RFPL3: variants seen among roughly 807,000 people sequenced by gnomAD.
RFPL3 encodes the protein ret finger protein-like 3.
A neutral mutation model predicts 8.7 loss-of-function variants in RFPL3; 8 were observed. The ratio of observed to expected loss-of-function variants is 0.92; its 90% CI spans 0.54 to 1.66. The LOEUF (loss-of-function observed/expected upper bound fraction) is 1.66. Ranked by LOEUF, RFPL3 falls within the 40% of genes most tolerant of loss-of-function variation. The pLI, the probability that RFPL3 is intolerant of heterozygous loss-of-function variation, is 0.00. For missense variants in RFPL3, 341 were observed against 395.0 expected, an observed-to-expected ratio of 0.86 and a Z score of 1.16; for synonymous variants, 145 against 150.5, an observed-to-expected ratio of 0.96 and a Z score of 0.27.
chr22:32,358,462 C>A lies in RFPL3; in HGVS notation c.373+18C>A. The stretch of plus-strand genomic sequence containing the variant: ...GTTCCAAGGTAAGGAATCTGTATAC[C>A]CTGCCCCCTTCCCAAGACCAGACCA... On this transcript the variant is annotated intron_variant, in intron 1 of 1. Coordinates refer to ENST00000249007, the MANE Select transcript of RFPL3 (RefSeq NM_001098535.1). 3 of 1,599,308 alleles carry A rather than the reference C, an allele frequency of 1.9e-6. No homozygotes were observed. The highest frequency in any genetic ancestry group is 2.6e-6 in the Non-Finnish European group (3 of 1,172,726).
Position 32,360,922 on chromosome 22 carries a change from T to C in RFPL3, c.*90T>C, listed in dbSNP as rs1421423459. The C allele has an allele frequency of 2.5e-5, 32 of 1,266,056 alleles. No homozygotes were observed. The highest frequency in any genetic ancestry group is 4.0e-4 in the Middle Eastern group (2 of 5,062). 78.4% of individuals were successfully genotyped at this position (1,266,056 alleles called of 1,614,324 possible). On this transcript the variant is annotated 3_prime_UTR_variant, in exon 2 of 2. Coordinates refer to ENST00000249007, the MANE Select transcript of RFPL3 (RefSeq NM_001098535.1). ...ACTTGGTAAAAGCATTATACAGTCA[T>C]AGGAGAAAGATATGGGACATTTCTA...
At chr22:32,358,971 C>G (rs1338976116) in intron 1 of RFPL3, among the ~76,000 whole-genome samples, 1 of 152,192 alleles carries the variant, frequency 6.6e-6, no homozygotes, top group African/African-American at 2.4e-5. Context: ...GGGAGAGTTG[C>G]AGATATTGGT....
In RFPL3 at chr22:32,358,349, A is replaced by G. The variant is rs772343844; in HGVS notation, c.278A>G (p.Asn93Ser). Residue 93 changes from asparagine to serine, a missense_variant, in exon 1 of 2, where the codon AAT becomes AGT. Physicochemically the swap from Asn to Ser is conservative, Grantham distance 46. Coordinates refer to ENST00000249007, the MANE Select transcript of RFPL3 (RefSeq NM_001098535.1). ...MVSQRNKIRP[N>S]RQLERLVSHI... ...TCTCAGAGGAACAAAATCAGGCCCA[A>G]TCGGCAGCTAGAGAGGCTGGTTTCC... The G allele has an allele frequency of 2.0e-5, 32 of 1,613,992 alleles. No individual in the cohort carries two copies. The highest frequency in any genetic ancestry group is 2.5e-5 in the Non-Finnish European group (29 of 1,180,028).
chr22:32,360,902 G>GT lies in RFPL3; in HGVS notation c.*71dup, dbSNP rs1265649274. 1 of 1,433,524 alleles carries GT rather than the reference G, an allele frequency of 7.0e-7. No homozygotes were observed. The highest frequency in any genetic ancestry group is 9.4e-7 in the Non-Finnish European group (1 of 1,065,444). The allele number at this position is 1,433,524 out of a possible 1,614,324, so 88.8% of individuals were successfully genotyped here. A position where few individuals can be genotyped will look rare whatever the true frequency, so the allele number is the denominator to read the frequency against. On this transcript the variant is annotated 3_prime_UTR_variant, in exon 2 of 2. Transcript: ENST00000249007. ...GGTAGACTTAGGAATTTTCTACTTG[G>GT]TAAAAGCATTATACAGTCATAGGAG... is the stretch of plus-strand genomic sequence containing the variant.
Position 32,360,356 on chromosome 22 carries a change from G to C in RFPL3, c.478G>C (p.Ala160Pro). 6.2e-7 allele frequency: 1 copy of C among 1,613,910 alleles called. No homozygotes were observed. The highest frequency in any genetic ancestry group is 1.7e-4 in the Middle Eastern group (1 of 6,056). Residue 160 changes from alanine to proline, a missense_variant, in exon 2 of 2, where the codon GCC (alanine) becomes CCC (proline). Ala to Pro is a conservative substitution (Grantham distance 27). Transcript: ENST00000249007. Reference sequence around the variant, plus strand: ...CATCACACAGAATCGGCAAGACCTTGCCGAGAGATTTGACGTGTCCGTTTG... The same window carrying C: ...CATCACACAGAATCGGCAAGACCTTCCCGAGAGATTTGACGTGTCCGTTTG... ...GLITQNRQDL[A>P]ERFDVSVCIL...
At chr22:32,356,438 T>A (rs1412604919), upstream of RFPL3, among the ~76,000 whole-genome samples, 1 of 152,072 alleles carries the variant, frequency 6.6e-6, no homozygotes, top group East Asian at 1.9e-4. Context: ...CGGGCTGCTA[T>A]CCAACAGGGT....
In RFPL3 at chr22:32,358,456, G is replaced by A. The variant is rs1424129555; in HGVS notation, c.373+12G>A. 1.9e-6 allele frequency: 3 copies of A among 1,606,528 alleles called. No homozygotes were observed. The highest frequency in any genetic ancestry group is 3.4e-5 in the Admixed American group (2 of 59,486). On this transcript the variant is annotated intron_variant, in intron 1 of 1. Transcript: ENST00000249007. The stretch of plus-strand genomic sequence containing the variant: ...GCGGAAGTTCCAAGGTAAGGAATCT[G>A]TATACCCTGCCCCCTTCCCAAGACC...
rs368265424 is a variant in RFPL3 at position 32,360,551 on chromosome 22, C to A, written c.673C>A (p.Arg225Ser). 3.1e-6 allele frequency: 5 copies of A among 1,613,792 alleles called. No homozygotes were observed. The highest frequency in any genetic ancestry group is 4.2e-6 in the Non-Finnish European group (5 of 1,179,868). Residue 225 changes from arginine to serine, a missense_variant, in exon 2 of 2, where the codon CGC (arginine) becomes AGC (serine). By Grantham distance (110) the Arg-to-Ser change is moderately radical. Coordinates refer to ENST00000249007, the MANE Select transcript of RFPL3 (RefSeq NM_001098535.1). ...GACTGTGAGTTTGAGGGATGGAAGC[C>A]GCCTCTCTGCCAGCACGGTGCCGCT... ...FWTVSLRDGSRLSASTVPLTF... is the reference protein window; with the variant it reads ...FWTVSLRDGSSLSASTVPLTF...
chr22:32,359,569 A>G (rs1236427609), intron 1 of RFPL3, among the ~76,000 whole-genome samples: 7 of 152,140 alleles, frequency 4.6e-5, no homozygotes, highest in South Asian at 4.1e-4. Flanking sequence ...ATTCTCTACA[A>G]TCAGTCAGTT....
intron 1 of RFPL3, 44 bp from the exon 2 acceptor site, chr22:32,360,208 T>G (rs746127749): frequency 4.4e-6 from 7 of 1,576,154 alleles, no homozygotes; most frequent in Non-Finnish European, 6.0e-6. Context: ...GGCATGGGGT[T>G]GGCTTCTGTC....
At chr22:32,357,426 T>C (rs1456418139), upstream of RFPL3, among the ~76,000 whole-genome samples, 1 of 151,860 alleles carries the variant, frequency 6.6e-6, no homozygotes, top group African/African-American at 2.4e-5. Context: ...TGCCTTGGCC[T>C]CGCAAAGTGC....
upstream of RFPL3, among the ~76,000 whole-genome samples, chr22:32,355,801 GAAAGA>G (rs1274597732): frequency 9.4e-6 from 1 of 106,160 alleles, no homozygotes; most frequent in African/African-American, 3.8e-5. Context: ...AAAAAAAAAA[GAAAGA>G]AAAGAAAAGA....
chr22:32,358,915 A>T (rs780852656), intron 1 of RFPL3, among the ~76,000 whole-genome samples: 3 of 152,188 alleles, frequency 2.0e-5, no homozygotes, highest in African/African-American at 7.2e-5. Flanking sequence ...CCCAGGGTTG[A>T]GAAGAGTTGG....
chr22:32,357,017 C>A (rs79991309), upstream of RFPL3: 34,747 of 439,238 alleles, frequency 0.079, 1,596 homozygotes, highest in African/African-American at 0.16. Context: ...AGGAGGTCAG[C>A]ATCCTGTTGT....
chr22:32,358,513 C>G (rs5754006), intron 1 of RFPL3, 69 bp downstream of exon 1: 107,443 of 1,535,962 alleles, frequency 0.07, 8,008 homozygotes, highest in East Asian at 0.47. Flanking sequence ...GCAGTTGGCC[C>G]CTCATTCCAC....
chr22:32,360,818 G>A lies in RFPL3; in HGVS notation c.940G>A (p.Gly314Arg). ...CACTACTGATGCTCCAGTCCGTCCT[G>A]GGGAGGCCAAATAAGCCGCCACTGC... ...SGTTDAPVRP[G>R]EAK The change falls in exon 2 of 2, where the codon GGG becomes AGG. Residue 314 changes from glycine (G) to arginine (R), a missense_variant. Coordinates refer to ENST00000249007, the MANE Select transcript of RFPL3 (RefSeq NM_001098535.1). 2 of 1,525,450 alleles carry A rather than the reference G, an allele frequency of 1.3e-6. No individual in the cohort carries two copies. Among genetic ancestry groups the A allele is most frequent in the Non-Finnish European group, 1.8e-6 (2 of 1,137,940 alleles). 94.5% of individuals were successfully genotyped at this position (1,525,450 alleles called of 1,614,324 possible). A position where few individuals can be genotyped will look rare whatever the true frequency, so the allele number is the denominator to read the frequency against.
In RFPL3 at chr22:32,360,821, G is replaced by A. The variant is rs981720936; in HGVS notation, c.943G>A (p.Glu315Lys). 6.6e-7 allele frequency: 1 copy of A among 1,524,440 alleles called. No individual in the cohort carries two copies. The highest frequency in any genetic ancestry group is 8.8e-7 in the Non-Finnish European group (1 of 1,137,518). The allele number at this position is 1,524,440 out of a possible 1,614,324, so 94.4% of individuals were successfully genotyped here. A position where few individuals can be genotyped will look rare whatever the true frequency, so the allele number is the denominator to read the frequency against. ...GTTDAPVRPGEAK is the reference protein window; with the variant it reads ...GTTDAPVRPGKAK ...TACTGATGCTCCAGTCCGTCCTGGG[G>A]AGGCCAAATAAGCCGCCACTGCAAA... Residue 315 changes from glutamate (E) to lysine (K), a missense_variant, in exon 2 of 2, where the codon GAG (glutamate) becomes AAG (lysine). Transcript: ENST00000249007.
chr22:32,360,811 C>A lies in RFPL3; in HGVS notation c.933C>A (p.Val311=), dbSNP rs558404504. ...ACTCAGGCACTACTGATGCTCCAGT[C>A]CGTCCTGGGGAGGCCAAATAAGCCG... The part of the protein sequence containing the change: ...LMNSGTTDAP[V]RPGEAK Residue 311 remains valine, a synonymous_variant, in exon 2 of 2, where the codon GTC becomes GTA. Transcript: ENST00000249007. 6.4e-6 allele frequency: 10 copies of A among 1,563,292 alleles called. No homozygotes were observed. Among genetic ancestry groups the A allele is most frequent in the Non-Finnish European group, 7.8e-6 (9 of 1,154,508 alleles).
rs777422711 is a variant in RFPL3 at position 32,360,430 on chromosome 22, G to A, written c.552G>A (p.Val184=). ...RFTCGRHYWE[V]DVGTSTEWDL... ...CCTGTGGCCGCCACTACTGGGAGGT[G>A]GACGTGGGAACAAGCACAGAATGGG... Residue 184 remains valine (V), a synonymous_variant, in exon 2 of 2, where the codon GTG becomes GTA. Coordinates refer to ENST00000249007, the MANE Select transcript of RFPL3 (RefSeq NM_001098535.1). 1.2e-6 allele frequency: 2 copies of A among 1,613,918 alleles called. No individual in the cohort carries two copies. Among genetic ancestry groups the A allele is most frequent in the East Asian group, 2.2e-5 (1 of 44,876 alleles).
Sources: gnomAD v4.1 joint callset for allele counts (sites outside exome capture counted in the v4.1 genomes callset) on GRCh38, gnomAD v4.1.1 for gene constraint, MANE v1.5 for transcripts, NCBI Gene and HGNC (gene_info 2026-07-23, HGNC 2026-07-21) for gene names.